The following LTBP1 variants were observed in gnomAD, a reference collection of about 807,000 sequenced individuals.
LTBP1 encodes the protein latent transforming growth factor beta binding protein 1.
A neutral mutation model predicts 207.6 loss-of-function variants in LTBP1; 129 were observed. The observed-to-expected ratio is 0.62, with a 90% CI of 0.54 to 0.72. The LOEUF is 0.72. Among genes scored for constraint, LTBP1 ranks in the 30% least tolerant of loss-of-function variants. The pLI is 0.00. For synonymous variants in LTBP1, 963 were observed against 833.7 expected (o/e 1.16, Z -2.67); for missense variants, 2,281 against 2,217.2 (o/e 1.03, Z -0.58).
intron 3 of LTBP1, among the ~76,000 whole-genome samples, chr2:33,059,702 A>T (rs1431213587): frequency 1.3e-5 from 2 of 152,142 alleles, no homozygotes; most frequent in African/African-American, 2.4e-5. Context: ...CATTTAAGGG[A>T]ACCATAAGAT....
chr2:33,059,188 T>C (rs1159335903), intron 3 of LTBP1, among the ~76,000 whole-genome samples: 2 of 152,230 alleles, frequency 1.3e-5, no homozygotes, highest in African/African-American at 2.4e-5. Context: ...GATTTGCTAT[T>C]TTGTGTCCTA....
At chr2:33,234,824 C>A (rs1277382300) in intron 9 of LTBP1, among the ~76,000 whole-genome samples, 1 of 151,976 alleles carries the variant, frequency 6.6e-6, no homozygotes, top group Admixed American at 6.6e-5. Flanking sequence ...TCAAACTGTA[C>A]TACAAGGCTA....
At chr2:33,066,874 T>A (rs1204720341) in intron 3 of LTBP1, among the ~76,000 whole-genome samples, 1 of 152,188 alleles carries the variant, frequency 6.6e-6, no homozygotes, top group Non-Finnish European at 1.5e-5. Flanking sequence ...TGAAGAAATG[T>A]GTTCAGAGAA....
chr2:33,136,048 T>C (rs2082121693), intron 5 of LTBP1, among the ~76,000 whole-genome samples: 1 of 152,204 alleles, frequency 6.6e-6, no homozygotes, highest in African/African-American at 2.4e-5. Context: ...GAAGTTCTTA[T>C]TAGATCTTTG....
chr2:33,302,622 C>A (rs183453052), intron 22 of LTBP1, among the ~76,000 whole-genome samples: 1 of 152,220 alleles, frequency 6.6e-6, no homozygotes, highest in Non-Finnish European at 1.5e-5. Flanking sequence ...GTAAATGACC[C>A]AACCCTCGGG....
At chr2:33,182,735 C>T (rs2086797475) in intron 5 of LTBP1, among the ~76,000 whole-genome samples, 1 of 84,886 alleles carries the variant, frequency 1.2e-5, no homozygotes, top group Non-Finnish European at 2.5e-5. Flanking sequence ...CACACACACA[C>T]AGACATATAT....
chr2:33,348,875 G>A (rs1467995076), intron 26 of LTBP1, among the ~76,000 whole-genome samples: 3 of 152,182 alleles, frequency 2.0e-5, no homozygotes, highest in East Asian at 3.9e-4. Flanking sequence ...TTATTCATTT[G>A]TATAGCTCCT....
chr2:33,132,118 AAGG>A (rs780082919), intron 4 of LTBP1, among the ~76,000 whole-genome samples: 50 of 152,326 alleles, frequency 3.3e-4, no homozygotes, highest in Non-Finnish European at 6.2e-4. Context: ...GAGCCAGAAA[AAGG>A]AGGAGTTTAT....
At chr2:33,053,057 G>A (rs1288939765) in intron 3 of LTBP1, among the ~76,000 whole-genome samples, 2 of 152,108 alleles carry the variant, frequency 1.3e-5, no homozygotes, top group African/African-American at 4.8e-5. Context: ...TTTTAATCGA[G>A]ACGGGGTTTC....
intron 4 of LTBP1, among the ~76,000 whole-genome samples, chr2:33,113,513 CT>C (rs1284754615): frequency 6.6e-6 from 1 of 152,192 alleles, no homozygotes; most frequent in Admixed American, 6.5e-5. Context: ...TAGTGAGGTG[CT>C]TTCTTTTGGG....
chr2:33,010,634 A>G (rs1687552505), intron 2 of LTBP1, among the ~76,000 whole-genome samples: 1 of 152,190 alleles, frequency 6.6e-6, no homozygotes, highest in African/African-American at 2.4e-5. Context: ...CATGGACCCC[A>G]TAAACATGTA....
At position 33,178,194 on chromosome 2, in the gene LTBP1, T is replaced by A. The variant is rs565729194; in HGVS notation, c.1202-8662T>A. ...TGTTTCTGCAGCCAACAAATGTTGCTGCGTTTTTCCTAAGGGGGACAGAGC... is the reference window on the plus strand; with the variant it reads ...TGTTTCTGCAGCCAACAAATGTTGCAGCGTTTTTCCTAAGGGGGACAGAGC... On this transcript the variant is annotated intron_variant, in intron 5 of 33. Transcript: ENST00000404816. Among the ~76,000 whole-genome samples the A allele has an allele frequency of 5.3e-5, 8 of 152,346 alleles. No homozygotes were observed. The South Asian group carries it at 1.4e-3, about 28-fold the overall frequency.
chr2:33,310,993 G>A (rs377703320), intron 23 of LTBP1, among the ~76,000 whole-genome samples: 84 of 152,066 alleles, frequency 5.5e-4, no homozygotes, highest in Non-Finnish European at 1.1e-3. Flanking sequence ...AAAAATTGTT[G>A]GAGTTACTTT....
intron 2 of LTBP1, among the ~76,000 whole-genome samples, chr2:33,004,333 T>G (rs1197674150): frequency 6.6e-6 from 1 of 152,146 alleles, no homozygotes; most frequent in Non-Finnish European, 1.5e-5. Context: ...GGCCAGTTTG[T>G]ATTTGTCCTC....
intron 8 of LTBP1, among the ~76,000 whole-genome samples, chr2:33,218,945 T>A (rs2090907375): frequency 6.6e-6 from 1 of 152,212 alleles, no homozygotes; most frequent in South Asian, 2.1e-4. Context: ...CTTTTAAACC[T>A]CTATATTCAA....
At chr2:33,099,417 A>G (rs1342835480) in intron 3 of LTBP1, among the ~76,000 whole-genome samples, 1 of 152,258 alleles carries the variant, frequency 6.6e-6, no homozygotes, top group Non-Finnish European at 1.5e-5. Flanking sequence ...TAATTTGAAC[A>G]GATATCTACT....
At chr2:33,050,109 G>A (rs992719215) in intron 3 of LTBP1, among the ~76,000 whole-genome samples, 1 of 150,712 alleles carries the variant, frequency 6.6e-6, no homozygotes, top group Non-Finnish European at 1.5e-5. Context: ...CTCCCAAAGT[G>A]CTGGGATTAT....
chr2:33,173,068 G>GA (rs1425252560), intron 5 of LTBP1, among the ~76,000 whole-genome samples: 1 of 152,106 alleles, frequency 6.6e-6, no homozygotes, highest in East Asian at 1.9e-4. Context: ...ATCCAAAATT[G>GA]ACACCCTAAT....
chr2:33,057,631 G>T (rs111362052), intron 3 of LTBP1, among the ~76,000 whole-genome samples: 14,784 of 152,324 alleles, frequency 0.097, 956 homozygotes, highest in Non-Finnish European at 0.14. Context: ...GGCCAGCACT[G>T]CTGGGGGACC....
Sources: allele counts gnomAD v4.1 joint callset (sites outside exome capture counted in the v4.1 genomes callset), GRCh38; gene constraint gnomAD v4.1.1; transcripts MANE v1.5; gene names NCBI Gene and HGNC (gene_info 2026-07-23, HGNC 2026-07-21).